Variants in CDYL2 observed in about 807,000 individuals in gnomAD.
CDYL2 encodes the protein chromodomain Y-like protein 2.
CDYL2 carries 23 observed loss-of-function variants against 49.4 expected under a neutral mutation model. The observed-to-expected ratio is 0.47, with a 90% CI of 0.34 to 0.66. The LOEUF (loss-of-function observed/expected upper bound fraction) is 0.66. Among genes scored for constraint, CDYL2 ranks in the 30% least tolerant of loss-of-function variants. The pLI is 0.01. For synonymous variants in CDYL2, 360 were observed against 268.8 expected (o/e 1.34, Z -3.32); for missense variants, 678 against 656.4 (o/e 1.03, Z -0.36).
intron 1 of CDYL2, among the ~76,000 whole-genome samples, chr16:80,794,317 G>A (rs1907700497): frequency 6.6e-6 from 1 of 152,200 alleles, no homozygotes; most frequent in African/African-American, 2.4e-5. Context: ...TGACTGTGCT[G>A]TAAAAGTGTA....
chr16:80,687,634 T>C (rs1277346531), intron 1 of CDYL2, among the ~76,000 whole-genome samples: 1 of 152,056 alleles, frequency 6.6e-6, no homozygotes, highest in Non-Finnish European at 1.5e-5. Flanking sequence ...GGTTCATAAA[T>C]GGATGGATAG....
intron 2 of CDYL2, chr16:80,679,680 T>C (rs1356453927): frequency 6.6e-6 from 3 of 455,966 alleles, no homozygotes; most frequent in South Asian, 3.1e-5. Flanking sequence ...CAAAGTCTTA[T>C]GAATGCCAAC....
chr16:80,699,113 A>C (rs886407886), intron 1 of CDYL2, among the ~76,000 whole-genome samples: 2 of 152,206 alleles, frequency 1.3e-5, no homozygotes, highest in Non-Finnish European at 2.9e-5. Context: ...TCCTCAAAAA[A>C]ACTAAAAATT....
chr16:80,775,650 T>C (rs1391101372), intron 1 of CDYL2, among the ~76,000 whole-genome samples: 1 of 151,812 alleles, frequency 6.6e-6, no homozygotes, highest in African/African-American at 2.4e-5. Context: ...ACAGAAAATA[T>C]AACATATGAT....
rs372566547 is a variant in CDYL2, at chr16:80,677,056, C to T, written c.616+7482G>A. 1.1e-4 allele frequency among the ~76,000 whole-genome samples: 17 copies of T among 149,910 alleles called. No homozygotes were observed. The East Asian group carries it at 3.2e-3, about 28-fold the overall frequency. On this transcript the variant is annotated intron_variant, in intron 2 of 6. Transcript: ENST00000570137. ...CACAATCACAGCTCACTGCAGCCTCCACCTCCTGGGCTCAAGTGATCCTCC... is the reference window on the plus strand; with the variant it reads ...CACAATCACAGCTCACTGCAGCCTCTACCTCCTGGGCTCAAGTGATCCTCC...
intron 2 of CDYL2, among the ~76,000 whole-genome samples, chr16:80,641,681 G>A (rs1011584878): frequency 6.8e-6 from 1 of 147,296 alleles, no homozygotes; most frequent in South Asian, 2.1e-4. Context: ...CTCACTCATA[G>A]GAGGTAATTG....
rs561878406 is a variant in CDYL2 at position 80,632,037 on chromosome 16, A to C, written c.834+982T>G. On this transcript the variant is annotated intron_variant, in intron 3 of 6. Transcript: ENST00000570137. ...ACCCAGCAATTCTAAGAATTGGAAT[A>C]GACTCAAGAAAATCATATTAGAAAT... Among the ~76,000 whole-genome samples, 39 of 152,358 alleles carry C rather than the reference A, an allele frequency of 2.6e-4. No individual in the cohort carries two copies. In the South Asian group the frequency reaches 8.1e-3, roughly 32 times the overall value.
At chr16:80,613,704 T>C (rs753096294) in intron 4 of CDYL2, among the ~76,000 whole-genome samples, 3 of 152,232 alleles carry the variant, frequency 2.0e-5, no homozygotes, top group Non-Finnish European at 2.9e-5. Flanking sequence ...TTTTTGCCTT[T>C]TCCTAGTTGC....
intron 1 of CDYL2, among the ~76,000 whole-genome samples, chr16:80,796,790 T>C (rs1180132920): frequency 1.3e-5 from 2 of 152,146 alleles, no homozygotes; most frequent in African/African-American, 2.4e-5. Context: ...GAGTTGCCCA[T>C]ACAAGATGTC....
At chr16:80,676,364 G>GAAC (rs1909742887) in intron 2 of CDYL2, among the ~76,000 whole-genome samples, 1 of 152,218 alleles carries the variant, frequency 6.6e-6, no homozygotes, top group Non-Finnish European at 1.5e-5. Context: ...GGGTCAGGAA[G>GAAC]AACAGCTGGG....
intron 3 of CDYL2, 197 bp downstream of exon 3, chr16:80,632,822 T>C (rs771620908): frequency 1.1e-5 from 6 of 564,204 alleles, no homozygotes; most frequent in Non-Finnish European, 1.6e-5. Flanking sequence ...TGAGAGGGTA[T>C]CATTACACGG....
chr16:80,730,360 G>C (rs1183411276), intron 1 of CDYL2, among the ~76,000 whole-genome samples: 1 of 151,918 alleles, frequency 6.6e-6, no homozygotes, highest in Non-Finnish European at 1.5e-5. Flanking sequence ...AGAAGAAATG[G>C]ATAAATTCCT....
At chr16:80,734,825 G>A (rs548585715) in intron 1 of CDYL2, among the ~76,000 whole-genome samples, 277 of 152,148 alleles carry the variant, frequency 1.8e-3, no homozygotes, top group African/African-American at 6.0e-3. Context: ...CTGCTGCTAC[G>A]GTGTTTTCAA....
intron 1 of CDYL2, among the ~76,000 whole-genome samples, chr16:80,696,855 G>C (rs1052005421): frequency 1.3e-5 from 2 of 152,112 alleles, no homozygotes; most frequent in Non-Finnish European, 2.9e-5. Context: ...GGAGGGCCCA[G>C]GCATGGTGTC....
At chr16:80,778,173 A>T (rs966546724) in intron 1 of CDYL2, among the ~76,000 whole-genome samples, 1 of 152,064 alleles carries the variant, frequency 6.6e-6, no homozygotes, top group Non-Finnish European at 1.5e-5. Context: ...AGGAAAAATA[A>T]TATCTACTTT....
At chr16:80,704,021 G>A (rs572038816) in intron 1 of CDYL2, among the ~76,000 whole-genome samples, 1 of 152,190 alleles carries the variant, frequency 6.6e-6, no homozygotes, top group Non-Finnish European at 1.5e-5. Context: ...GCATGTTGCT[G>A]GAAGATTGGG....
chr16:80,672,908 C>A (rs562723812), intron 2 of CDYL2, among the ~76,000 whole-genome samples: 36 of 152,348 alleles, frequency 2.4e-4, no homozygotes, highest in African/African-American at 7.7e-4. Flanking sequence ...ACTAGGAAGG[C>A]TCACGCTGGC....
At chr16:80,775,986 A>C (rs1907069789) in intron 1 of CDYL2, among the ~76,000 whole-genome samples, 1 of 151,964 alleles carries the variant, frequency 6.6e-6, no homozygotes, top group Non-Finnish European at 1.5e-5. Context: ...CTGCAAAAGA[A>C]GTTACGTATA....
At chr16:80,784,143 G>C (rs376679227) in intron 1 of CDYL2, among the ~76,000 whole-genome samples, 19 of 152,154 alleles carry the variant, frequency 1.2e-4, no homozygotes, top group African/African-American at 4.6e-4. Context: ...CACCTATCCT[G>C]CTATTTTTCT....
Sources: allele counts gnomAD v4.1 joint callset (sites outside exome capture counted in the v4.1 genomes callset), GRCh38; gene constraint gnomAD v4.1.1; transcripts MANE v1.5; gene names NCBI Gene and HGNC (gene_info 2026-07-23, HGNC 2026-07-21).